Variants in TGM6 observed in about 807,000 individuals in gnomAD.
TGM6 encodes the protein protein-glutamine gamma-glutamyltransferase 6.
A neutral mutation model predicts 77.5 loss-of-function variants in TGM6; 74 were observed. The ratio of observed to expected loss-of-function variants is 0.96; its 90% confidence interval spans 0.79 to 1.16. TGM6 has a LOEUF of 1.16. Among genes scored for constraint, TGM6 ranks in the 50% most tolerant of loss-of-function variants. The pLI, the probability that TGM6 is intolerant of heterozygous loss-of-function variation, is 0.00. For missense variants in TGM6, 968 were observed against 940.2 expected (o/e 1.03, Z -0.39); for synonymous variants, 383 against 378.9 (o/e 1.01, Z -0.12).
rs1178219267 is a variant in TGM6 at position 2,403,485 on chromosome 20, CAGG to C, written c.1084_1086del (p.Glu362del). ...CTGGCAGGTTCTGGATGCCACCCCC[CAGG>C]AGGAGAGTGAAGGTACGCTCAATTG... is the stretch of plus-strand genomic sequence containing the variant. On this transcript the variant is annotated inframe_deletion, in exon 8 of 13. Transcript: ENST00000202625. The C allele has an allele frequency of 3.1e-6, 5 of 1,614,040 alleles. No individual in the cohort carries two copies. In the Admixed American group the frequency reaches 6.7e-5, roughly 22 times the overall value.
intron 1 of TGM6, among the ~76,000 whole-genome samples, chr20:2,389,387 T>C (rs1663095305): frequency 6.6e-6 from 1 of 152,146 alleles, no homozygotes; most frequent in Admixed American, 6.5e-5. Context: ...GAAACTCCAA[T>C]TAAGAGCTGG....
chr20:2,402,029 G>C (rs1257365407), intron 7 of TGM6, among the ~76,000 whole-genome samples: 2 of 152,060 alleles, frequency 1.3e-5, no homozygotes, highest in Admixed American at 1.3e-4. Flanking sequence ...CTTGAGGTCA[G>C]GAGTTCGAGA....
intron 10 of TGM6, among the ~76,000 whole-genome samples, chr20:2,426,084 C>G (rs954875484): frequency 1.3e-5 from 2 of 152,142 alleles, no homozygotes; most frequent in African/African-American, 4.8e-5. Context: ...ATCTATAGAT[C>G]AAGCTAGGAA....
intron 9 of TGM6, among the ~76,000 whole-genome samples, chr20:2,412,728 A>G (rs946921225): frequency 1.3e-5 from 2 of 152,180 alleles, no homozygotes; most frequent in Admixed American, 1.3e-4. Context: ...AGATTTCTAG[A>G]TACTGGCAAT....
At position 2,423,374 on chromosome 20, in the gene TGM6, T is replaced by C. The variant is rs540732780; in HGVS notation, c.1678+5801T>C. Among the ~76,000 whole-genome samples the C allele has an allele frequency of 3.2e-4, 48 of 152,252 alleles. No individual in the cohort carries two copies. The South Asian group carries it at 9.7e-3, about 31-fold the overall frequency. ...CTTTATCAACTAAGTTTATGTAATA[T>C]TCAAAATCTTTTGTTGCCATTTCAA... On this transcript the variant is annotated intron_variant, in intron 10 of 12. Transcript: ENST00000202625.
chr20:2,403,729 C>G lies in TGM6; in HGVS notation c.1242C>G (p.Tyr414Ter). 3.7e-6 allele frequency: 6 copies of G among 1,614,230 alleles called. No homozygotes were observed. The highest frequency in any genetic ancestry group is 5.1e-6 in the Non-Finnish European group (6 of 1,180,052). ...AGGATGAGAGCCGGGAGCGTGTATACTCAAACACGAAGAAGATTGGGAGAT... is the reference window on the plus strand; with the variant it reads ...AGGATGAGAGCCGGGAGCGTGTATAGTCAAACACGAAGAAGATTGGGAGAT... ...WHEDESRERV[Y>*]SNTKKIGRCI... The change falls in exon 9 of 13, where the codon TAC becomes TAG. Residue 414 changes from tyrosine (Y) to a stop codon, truncating the protein, a stop_gained. Transcript: ENST00000202625. LOFTEE classifies it high-confidence loss of function.
intron 7 of TGM6, among the ~76,000 whole-genome samples, chr20:2,400,825 T>C (rs956855074): frequency 2.6e-5 from 4 of 152,044 alleles, no homozygotes; most frequent in African/African-American, 9.7e-5. Flanking sequence ...GTGTCTCAGG[T>C]GGGAAACAGA....
Position 2,429,479 on chromosome 20 carries a change from A to G in TGM6, c.1679-967A>G, listed in dbSNP as rs544927343. Among the ~76,000 whole-genome samples the G allele has an allele frequency of 2.7e-5, 4 of 147,502 alleles. No homozygotes were observed. In the South Asian group the frequency reaches 6.6e-4, roughly 24 times the overall value. On this transcript the variant is annotated intron_variant, in intron 10 of 12. Transcript: ENST00000202625. ...ATATAGTAGTCAGAAAAAAAAAAAA[A>G]ACAAATATGGTCCAGGCATGGTGGC... is the stretch of plus-strand genomic sequence containing the variant.
At chr20:2,390,103 AT>A (rs1489835634) in intron 1 of TGM6, among the ~76,000 whole-genome samples, 1 of 152,022 alleles carries the variant, frequency 6.6e-6, no homozygotes, top group African/African-American at 2.4e-5. Flanking sequence ...CCTCTCTAAT[AT>A]TGTCTTCCCG....
chr20:2,396,390 TC>T (rs1490065545), intron 3 of TGM6, 115 bp from the exon 4 acceptor site: 15 of 1,016,342 alleles, frequency 1.5e-5, no homozygotes, highest in Non-Finnish European at 2.3e-5. Context: ...TCTTGACCTC[TC>T]CTGCCCCAGT....
chr20:2,414,066 T>A (rs1344505883), intron 9 of TGM6, among the ~76,000 whole-genome samples: 1 of 152,020 alleles, frequency 6.6e-6, no homozygotes, highest in African/African-American at 2.4e-5. Flanking sequence ...AAAAAATAAT[T>A]TTTTTTGAGA....
In TGM6 at chr20:2,400,441, T is replaced by C. The variant is rs111506138; in HGVS notation, c.986T>C (p.Met329Thr). ...CTGGAGGACCTGACAGAAGACAGCA[T>C]GTGGTGGGTCCTGCCCCCAGCCTAG... is the stretch of plus-strand genomic sequence containing the variant. ...RTLEDLTEDSMWNFHVWNESW... is the reference protein window; with the variant it reads ...RTLEDLTEDSTWNFHVWNESW... The change falls in exon 7 of 13, where the codon ATG becomes ACG. Residue 329 changes from methionine to threonine, a missense_variant. Physicochemically the swap from Met to Thr is moderately conservative, Grantham distance 81. Coordinates refer to ENST00000202625, the MANE Select transcript of TGM6 (RefSeq NM_198994.3). The C allele has an allele frequency of 5.6e-5, 91 of 1,614,076 alleles. 3 individuals are homozygous for C. In the African/African-American group the frequency reaches 7.7e-4, roughly 14 times the overall value.
At chr20:2,382,421 G>A (rs759913736) in intron 1 of TGM6, among the ~76,000 whole-genome samples, 6 of 152,136 alleles carry the variant, frequency 3.9e-5, no homozygotes, top group Non-Finnish European at 7.3e-5. Context: ...CTCTTCCCTG[G>A]GCCTTTGATA....
chr20:2,414,943 G>GC (rs33998426), intron 9 of TGM6, among the ~76,000 whole-genome samples: 3 of 139,424 alleles, frequency 2.2e-5, no homozygotes, highest in African/African-American at 8.1e-5. Flanking sequence ...TTGGGGGGGG[G>GC]GGTGAAAAAA....
chr20:2,429,711 G>C (rs2084911152), intron 10 of TGM6, among the ~76,000 whole-genome samples: 1 of 151,994 alleles, frequency 6.6e-6, no homozygotes, highest in Non-Finnish European at 1.5e-5. Context: ...GGAGGTTGCA[G>C]TGAGCCGAGA....
At chr20:2,403,008 ATAGGGGTTGTTCTC>A (rs887753325) in intron 7 of TGM6, among the ~76,000 whole-genome samples, 1 of 152,164 alleles carries the variant, frequency 6.6e-6, no homozygotes, top group Non-Finnish European at 1.5e-5. Context: ...GAGTAGGTCT[ATAGGGGTTGTTCTC>A]TAGCTTAAGC....
rs2084860680 is a variant in TGM6 at position 2,422,121 on chromosome 20, G to A, written c.1678+4548G>A. Among the ~76,000 whole-genome samples the A allele has an allele frequency of 3.3e-5, 5 of 152,202 alleles. No homozygotes were observed. In the South Asian group the frequency reaches 1.0e-3, roughly 32 times the overall value. ...CACTCCAGCCTGGGCGATAGAGCAA[G>A]ACTCCATCTCAAAAAAATATATATA... On this transcript the variant is annotated intron_variant, in intron 10 of 12. Coordinates refer to ENST00000202625, the MANE Select transcript of TGM6 (RefSeq NM_198994.3).
At chr20:2,384,214 A>G (rs2084577581) in intron 1 of TGM6, among the ~76,000 whole-genome samples, 1 of 151,822 alleles carries the variant, frequency 6.6e-6, no homozygotes, top group Non-Finnish European at 1.5e-5. Context: ...GTGGAAGCCC[A>G]TTGCCCTAGC....
intron 2 of TGM6, 113 bp from the exon 3 acceptor site, chr20:2,395,081 T>G: frequency 6.6e-7 from 1 of 1,518,398 alleles, no homozygotes; most frequent in Non-Finnish European, 8.8e-7. Flanking sequence ...TCCCAAAGCC[T>G]CCCAGAAGTT....
Sources: allele counts gnomAD v4.1 joint callset (sites outside exome capture counted in the v4.1 genomes callset), GRCh38; gene constraint gnomAD v4.1.1; transcripts MANE v1.5; gene names NCBI Gene and HGNC (gene_info 2026-07-23, HGNC 2026-07-21).